The following THSD7B variants were observed in gnomAD, a reference collection of about 807,000 sequenced individuals.
THSD7B encodes the protein thrombospondin type-1 domain-containing protein 7B.
A neutral mutation model predicts 213.6 loss-of-function variants in THSD7B; 138 were observed. That is an observed-to-expected ratio of 0.65 (90% CI 0.56 to 0.74). THSD7B has a LOEUF of 0.74. Among genes scored for constraint, THSD7B ranks in the 30% least tolerant of loss-of-function variants. The probability of loss-of-function intolerance (pLI) is 0.00; values close to 1 mark genes in which losing one functional copy is unlikely to be tolerated. For missense variants in THSD7B, 1,931 were observed against 1,991.5 expected (o/e 0.97, Z 0.58); for synonymous variants, 742 against 687.0 (o/e 1.08, Z -1.25).
At chr2:137,644,498 T>C (rs976446701) in intron 21 of THSD7B, among the ~76,000 whole-genome samples, 3 of 151,854 alleles carry the variant, frequency 2.0e-5, no homozygotes, top group Non-Finnish European at 2.9e-5. Flanking sequence ...AAAGCAGAGG[T>C]GCAAGAGAAA....
intron 2 of THSD7B, among the ~76,000 whole-genome samples, chr2:137,037,269 A>G (rs7583100): frequency 0.58 from 88,083 of 152,020 alleles, 29,615 homozygotes; most frequent in Non-Finnish European, 0.73. Context: ...GAGTACTGCA[A>G]ATAGTACTAT....
chr2:137,513,410 G>A (rs1680008073), intron 15 of THSD7B, among the ~76,000 whole-genome samples: 1 of 152,104 alleles, frequency 6.6e-6, no homozygotes. Context: ...AGTATCATAT[G>A]CAAATAAATC....
chr2:137,379,035 T>G (rs2104961088), intron 12 of THSD7B, among the ~76,000 whole-genome samples: 1 of 152,364 alleles, frequency 6.6e-6, no homozygotes, highest in South Asian at 2.1e-4. Context: ...CTGTGTAACT[T>G]CTTGGTTTAG....
At chr2:136,770,051 C>A (rs922244656) in intron 1 of THSD7B, among the ~76,000 whole-genome samples, 2 of 152,194 alleles carry the variant, frequency 1.3e-5, no homozygotes, top group Admixed American at 6.5e-5. Flanking sequence ...CACTTGCCTG[C>A]ATGAGGGCTG....
chr2:137,200,156 C>A (rs1054860570), intron 7 of THSD7B, among the ~76,000 whole-genome samples: 2 of 152,138 alleles, frequency 1.3e-5, no homozygotes, highest in Admixed American at 1.3e-4. Flanking sequence ...ATATAGATTT[C>A]TTTCTCTCTG....
chr2:136,833,433 A>ATT (rs56778387), intron 1 of THSD7B, among the ~76,000 whole-genome samples: 69 of 112,068 alleles, frequency 6.2e-4, no homozygotes, highest in African/African-American at 9.2e-4. Context: ...ATTATTTTCT[A>ATT]TTTTTTTTTT....
chr2:137,000,731 T>G (rs1685984837), intron 2 of THSD7B, among the ~76,000 whole-genome samples: 1 of 152,158 alleles, frequency 6.6e-6, no homozygotes, highest in South Asian at 2.1e-4. Context: ...CAAATAAGAC[T>G]TCACATAAAA....
chr2:137,020,452 G>A (rs1686422009), intron 2 of THSD7B, among the ~76,000 whole-genome samples: 1 of 152,150 alleles, frequency 6.6e-6, no homozygotes, highest in Non-Finnish European at 1.5e-5. Context: ...AGCCTGATCT[G>A]ATTGCGGTTC....
At chr2:136,932,320 C>A (rs1309765995) in intron 2 of THSD7B, among the ~76,000 whole-genome samples, 5 of 152,172 alleles carry the variant, frequency 3.3e-5, no homozygotes, top group African/African-American at 1.2e-4. Flanking sequence ...GCAAATTAAT[C>A]TGCAAATTAA....
At position 136,824,006 on chromosome 2, in the gene THSD7B, A is replaced by T. The variant is rs116116576; in HGVS notation, c.-35-58138A>T. On this transcript the variant is annotated intron_variant, in intron 1 of 27. Transcript: ENST00000409968. Reference sequence around the variant, plus strand: ...GCTGTGGCTCAGAATTGTACTAAACATTTTGCATCCATTATCTCTTTATTA... The same window carrying T: ...GCTGTGGCTCAGAATTGTACTAAACTTTTTGCATCCATTATCTCTTTATTA... Among the ~76,000 whole-genome samples the T allele has an allele frequency of 9.7e-3, 1,472 of 152,276 alleles. 16 individuals carry two copies. The highest frequency in any genetic ancestry group is 0.011 in the Non-Finnish European group (765 of 68,010).
chr2:136,781,752 A>G (rs1321384174), intron 1 of THSD7B, among the ~76,000 whole-genome samples: 2 of 151,502 alleles, frequency 1.3e-5, no homozygotes, highest in African/African-American at 4.9e-5. Flanking sequence ...TCCTCCAGCT[A>G]CTTCACCCTG....
At chr2:137,262,308 CTCA>C (rs1421443414) in intron 10 of THSD7B, among the ~76,000 whole-genome samples, 1 of 152,080 alleles carries the variant, frequency 6.6e-6, no homozygotes, top group East Asian at 1.9e-4. Context: ...ATTTGTGCCC[CTCA>C]AAACCTGTCT....
intron 14 of THSD7B, among the ~76,000 whole-genome samples, chr2:137,418,862 G>T (rs1052379459): frequency 6.6e-6 from 1 of 151,970 alleles, no homozygotes. Flanking sequence ...CAAATGACAG[G>T]AGTTCATTCT....
At chr2:137,363,916 A>T (rs927191442) in intron 12 of THSD7B, among the ~76,000 whole-genome samples, 5 of 152,220 alleles carry the variant, frequency 3.3e-5, no homozygotes, top group African/African-American at 1.2e-4. Context: ...CTGATACCAA[A>T]GCCTGGCAGA....
At chr2:137,276,467 A>G (rs1682874572) in intron 12 of THSD7B, among the ~76,000 whole-genome samples, 2 of 152,160 alleles carry the variant, frequency 1.3e-5, no homozygotes, top group African/African-American at 4.8e-5. Context: ...TGTCTTAAAT[A>G]TAATTGTCAT....
chr2:136,813,111 A>G (rs1302623793), intron 1 of THSD7B, among the ~76,000 whole-genome samples: 2 of 152,038 alleles, frequency 1.3e-5, no homozygotes, highest in Non-Finnish European at 2.9e-5. Flanking sequence ...TCTTCTGTTT[A>G]ATTACTTTTC....
chr2:137,152,947 G>T (rs1679846771), intron 5 of THSD7B, among the ~76,000 whole-genome samples: 1 of 152,040 alleles, frequency 6.6e-6, no homozygotes, highest in South Asian at 2.1e-4. Flanking sequence ...CATCAATAAT[G>T]GTGCTTCTCA....
At chr2:137,517,747 A>G (rs1256136950) in intron 15 of THSD7B, among the ~76,000 whole-genome samples, 1 of 152,178 alleles carries the variant, frequency 6.6e-6, no homozygotes, top group Non-Finnish European at 1.5e-5. Flanking sequence ...TATCAGTGGC[A>G]GATAGGGATG....
intron 2 of THSD7B, among the ~76,000 whole-genome samples, chr2:136,925,482 T>C (rs952588056): frequency 6.6e-6 from 1 of 152,240 alleles, no homozygotes; most frequent in Non-Finnish European, 1.5e-5. Flanking sequence ...ATTGATTGAC[T>C]TTCATACACT....
Sources: allele counts gnomAD v4.1 joint callset (sites outside exome capture counted in the v4.1 genomes callset), GRCh38; gene constraint gnomAD v4.1.1; transcripts MANE v1.5; gene names NCBI Gene and HGNC (gene_info 2026-07-23, HGNC 2026-07-21).